The following CCBE1 variants were observed in gnomAD, a reference collection of about 807,000 sequenced individuals.
CCBE1 encodes the protein collagen and calcium binding EGF domains 1, also known as collagen and calcium-binding EGF domain-containing protein 1.
In CCBE1, 37 loss-of-function variants were observed where a neutral mutation model predicts 50.0. That is an observed-to-expected ratio of 0.74 (90% CI 0.57 to 0.97). The LOEUF is 0.97. Among genes scored for constraint, CCBE1 ranks in the 50% least tolerant of loss-of-function variants. The pLI is 0.00. For synonymous variants in CCBE1, 234 were observed against 203.7 expected (o/e 1.15, Z -1.27); for missense variants, 538 against 523.8 (o/e 1.03, Z -0.26).
chr18:59,516,099 C>A (rs1914357470), intron 2 of CCBE1, among the ~76,000 whole-genome samples: 1 of 152,140 alleles, frequency 6.6e-6, no homozygotes, highest in Non-Finnish European at 1.5e-5. Flanking sequence ...ACTGGGATTG[C>A]ATGCATGTCC....
intron 5 of CCBE1, among the ~76,000 whole-genome samples, chr18:59,457,219 C>T (rs1911237641): frequency 6.6e-6 from 1 of 152,186 alleles, no homozygotes; most frequent in Admixed American, 6.5e-5. Context: ...CTCACCTGTA[C>T]TCCCTTCAAT....
intron 2 of CCBE1, among the ~76,000 whole-genome samples, chr18:59,553,732 T>C (rs2851858): frequency 0.75 from 113,708 of 152,198 alleles, 42,780 homozygotes; most frequent in East Asian, 0.88. Context: ...TACTGAAATG[T>C]CACTGCTGTT....
chr18:59,656,480 T>C (rs2054190867), intron 2 of CCBE1, among the ~76,000 whole-genome samples: 1 of 152,200 alleles, frequency 6.6e-6, no homozygotes, highest in South Asian at 2.1e-4. Context: ...GCAATATATT[T>C]TAAGTGGAAG....
intron 2 of CCBE1, among the ~76,000 whole-genome samples, chr18:59,695,356 T>C (rs2054791342): frequency 6.6e-6 from 1 of 152,170 alleles, no homozygotes; most frequent in Non-Finnish European, 1.5e-5. Flanking sequence ...CCAGTTAGCC[T>C]CTTTAAGTCT....
At chr18:59,514,363 G>A (rs528007353) in intron 2 of CCBE1, among the ~76,000 whole-genome samples, 11 of 152,150 alleles carry the variant, frequency 7.2e-5, no homozygotes, top group African/African-American at 2.4e-4. Flanking sequence ...TCCGCACGTG[G>A]CCCTCCCAGT....
chr18:59,620,552 G>C (rs559677214), intron 2 of CCBE1, among the ~76,000 whole-genome samples: 5 of 152,246 alleles, frequency 3.3e-5, no homozygotes, highest in African/African-American at 1.2e-4. Context: ...ATTCCATCTT[G>C]AATCATAGCT....
rs527924971 is a variant in CCBE1, at chr18:59,672,948, C to T, written c.212+23681G>A. Among the ~76,000 whole-genome samples the T allele has an allele frequency of 1.3e-3, 203 of 152,130 alleles. 1 individual carries two copies. The highest frequency in any genetic ancestry group is 6.8e-3 in the Middle Eastern group (2 of 294). On this transcript the variant is annotated intron_variant, in intron 2 of 10. Transcript: ENST00000439986. ...GGTACATCAAGATCTCACAAATCACCGCTAAAGAACTTACTCATGTAACCA... is the reference window on the plus strand; with the variant it reads ...GGTACATCAAGATCTCACAAATCACTGCTAAAGAACTTACTCATGTAACCA...
intron 2 of CCBE1, among the ~76,000 whole-genome samples, chr18:59,625,870 T>A (rs1179297313): frequency 6.6e-6 from 1 of 152,184 alleles, no homozygotes; most frequent in East Asian, 1.9e-4. Flanking sequence ...AAAGAGCCCA[T>A]GTGAGGACAC....
intron 2 of CCBE1, among the ~76,000 whole-genome samples, chr18:59,559,636 G>A (rs2052706214): frequency 6.6e-6 from 1 of 152,184 alleles, no homozygotes; most frequent in South Asian, 2.1e-4. Flanking sequence ...TCCTTGGCTT[G>A]GGGGACTCCA....
intron 2 of CCBE1, among the ~76,000 whole-genome samples, chr18:59,543,966 A>G (rs1915585995): frequency 6.6e-6 from 1 of 152,164 alleles, no homozygotes; most frequent in Non-Finnish European, 1.5e-5. Context: ...AAAATGTCAA[A>G]TTTCAAACAC....
At chr18:59,543,834 C>CAAAAAAAA (rs10678902) in intron 2 of CCBE1, among the ~76,000 whole-genome samples, 103 of 68,912 alleles carry the variant, frequency 1.5e-3, no homozygotes, top group African/African-American at 2.3e-3. Context: ...GACTCCGTCT[C>CAAAAAAAA]AAAAAAAAAA....
At chr18:59,697,080 C>T (rs1222016111) in intron 1 of CCBE1, 132 bp downstream of exon 1, 7 of 1,266,560 alleles carry the variant, frequency 5.5e-6, no homozygotes, top group African/African-American at 1.5e-5. Context: ...GCTGAGCACT[C>T]TCCTTATCCC....
intron 5 of CCBE1, chr18:59,455,243 G>A (rs916211999): frequency 6.1e-6 from 3 of 489,146 alleles, no homozygotes; most frequent in Admixed American, 3.2e-5. Flanking sequence ...GCGTACCATG[G>A]CCTTTTATCA....
At chr18:59,613,857 TG>T (rs1287873041) in intron 2 of CCBE1, among the ~76,000 whole-genome samples, 1 of 143,652 alleles carries the variant, frequency 7.0e-6, no homozygotes, top group Non-Finnish European at 1.5e-5. Flanking sequence ...TGTTTTTCTC[TG>T]ATGGGTTTTT....
At chr18:59,523,214 G>A (rs1284610267) in intron 2 of CCBE1, among the ~76,000 whole-genome samples, 1 of 151,580 alleles carries the variant, frequency 6.6e-6, no homozygotes, top group Non-Finnish European at 1.5e-5. Context: ...TTGAAGAGGG[G>A]TGTATTGAGA....
chr18:59,647,410 A>G (rs1251792347), intron 2 of CCBE1, among the ~76,000 whole-genome samples: 1 of 152,238 alleles, frequency 6.6e-6, no homozygotes, highest in Non-Finnish European at 1.5e-5. Context: ...GCACTAAAAC[A>G]GCAATAACAT....
At chr18:59,665,734 G>A (rs1271884147) in intron 2 of CCBE1, among the ~76,000 whole-genome samples, 2 of 152,140 alleles carry the variant, frequency 1.3e-5, no homozygotes, top group Non-Finnish European at 2.9e-5. Flanking sequence ...CCCAGGCCAC[G>A]CTCTTCCTGG....
At chr18:59,516,560 G>A (rs1312114538) in intron 2 of CCBE1, among the ~76,000 whole-genome samples, 1 of 152,164 alleles carries the variant, frequency 6.6e-6, no homozygotes, top group African/African-American at 2.4e-5. Flanking sequence ...TGCTGAAAAG[G>A]AAAGTCCAGG....
rs1001257567 is a variant in CCBE1 at position 59,697,107 on chromosome 18, T to A, written c.131+105A>T. The A allele has an allele frequency of 2.8e-6, 4 of 1,449,300 alleles. No homozygotes were observed. The African/African-American group carries it at 5.6e-5, about 20-fold the overall frequency. The allele number at this position is 1,449,300 out of a possible 1,614,324, so 89.8% of individuals were successfully genotyped here. ...CCTTATCCCCGGAGAAGTGAGGGCGTGCGGATCGCTGTGGGAGTGGGCGCC... is the reference window on the plus strand; with the variant it reads ...CCTTATCCCCGGAGAAGTGAGGGCGAGCGGATCGCTGTGGGAGTGGGCGCC... On this transcript the variant is annotated intron_variant, in intron 1 of 10. Transcript: ENST00000439986.
Sources: allele counts gnomAD v4.1 joint callset (sites outside exome capture counted in the v4.1 genomes callset), GRCh38; gene constraint gnomAD v4.1.1; transcripts MANE v1.5; gene names NCBI Gene and HGNC (gene_info 2026-07-23, HGNC 2026-07-21).